CYP4V2: variants seen among roughly 807,000 people sequenced by gnomAD.
CYP4V2 encodes cytochrome P450 family 4 subfamily V member 2, also known as cytochrome P450 4V2.
Under a neutral mutation model 60.8 loss-of-function variants are expected in CYP4V2, and 55 were observed. The ratio of observed to expected loss-of-function variants is 0.90; its 90% CI spans 0.73 to 1.13. CYP4V2 has a LOEUF of 1.13. Ranked by LOEUF, CYP4V2 falls within the 50% of genes most tolerant of loss-of-function variation. The pLI, the probability that CYP4V2 is intolerant of heterozygous loss-of-function variation, is 0.00. For missense variants in CYP4V2, 675 were observed against 662.9 expected (o/e 1.02, Z -0.20); for synonymous variants, 239 against 236.8 (o/e 1.01, Z -0.08).
At chr4:186,207,514 ATTATAT>A (rs1050640875) in intron 8 of CYP4V2, among the ~76,000 whole-genome samples, 6 of 147,806 alleles carry the variant, frequency 4.1e-5, no homozygotes, top group African/African-American at 1.5e-4. Flanking sequence ...TAATTATTAA[ATTATAT>A]TTATATTAAA....
intron 6 of CYP4V2, among the ~76,000 whole-genome samples, chr4:186,199,569 C>A (rs1317109828): frequency 6.6e-6 from 1 of 152,092 alleles, no homozygotes; most frequent in Non-Finnish European, 1.5e-5. Flanking sequence ...AAACAGGGTG[C>A]TGTGTAAAAG....
intron 7 of CYP4V2, chr4:186,204,151 C>CCGAG (rs1176556664): frequency 2.5e-5 from 4 of 157,420 alleles, no homozygotes; most frequent in African/African-American, 9.7e-5. Context: ...AGAAGGTTGC[C>CCGAG]CGAGACATTA....
In CYP4V2 at chr4:186,212,425, G is replaced by A. The variant is rs867986146; in HGVS notation, c.*1784G>A. ...AGGTGATAACTGACACGTGTTCACTGAATTTTAATTTGATAGGCAATACAT... is the reference window on the plus strand; with the variant it reads ...AGGTGATAACTGACACGTGTTCACTAAATTTTAATTTGATAGGCAATACAT... On this transcript the variant is annotated 3_prime_UTR_variant, in exon 11 of 11. Coordinates refer to ENST00000378802, the MANE Select transcript of CYP4V2 (RefSeq NM_207352.4). 35 of 152,118 alleles carry A rather than the reference G, an allele frequency of 2.3e-4. No homozygotes were observed. The highest frequency in any genetic ancestry group is 8.2e-4 in the African/African-American group (34 of 41,412). The allele number at this position is 152,118 out of a possible 1,614,324, so 9.4% of individuals were successfully genotyped here. A position where few individuals can be genotyped will look rare whatever the true frequency, so the allele number is the denominator to read the frequency against.
Position 186,197,537 on chromosome 4 carries a change from A to G in CYP4V2, c.609A>G (p.Thr203=). 6.2e-7 allele frequency: 1 copy of G among 1,614,232 alleles called. No individual in the cohort carries two copies. The highest frequency in any genetic ancestry group is 8.5e-7 in the Non-Finnish European group (1 of 1,180,044). The change falls in exon 5 of 11, where the codon ACA becomes ACG. Residue 203 remains threonine, a synonymous_variant. Transcript: ENST00000378802. The part of the protein sequence containing the change: ...TLCALDIICE[T]AMGKNIGAQS... The stretch of plus-strand genomic sequence containing the variant: ...CTTCTCACCCATATTTTATAGAAAC[A>G]GCTATGGGGAAGAATATTGGTGCTC...
intron 6 of CYP4V2, among the ~76,000 whole-genome samples, chr4:186,199,809 C>A (rs985891050): frequency 1.3e-5 from 2 of 152,130 alleles, no homozygotes; most frequent in Non-Finnish European, 2.9e-5. Context: ...AAAAGCAAGA[C>A]TTAATTGAAA....
Position 186,195,204 on chromosome 4 carries a change from C to T in CYP4V2, c.327+592C>T, listed in dbSNP as rs1344319828. Among the ~76,000 whole-genome samples, 3 of 152,292 alleles carry T rather than the reference C, an allele frequency of 2.0e-5. No individual in the cohort carries two copies. The highest frequency in any genetic ancestry group is 1.9e-4 in the East Asian group (1 of 5,182). On this transcript the variant is annotated intron_variant, in intron 2 of 10. Coordinates refer to ENST00000378802, the MANE Select transcript of CYP4V2 (RefSeq NM_207352.4). The surrounding 1 kb of genome is among the most constrained non-coding windows in gnomAD (Gnocchi z 4.1). ...TGGGGTAAACAGAGCTTCTCTTCATCGACCAAAATTAAAGACTGAATTTCC... is the reference window on the plus strand; with the variant it reads ...TGGGGTAAACAGAGCTTCTCTTCATTGACCAAAATTAAAGACTGAATTTCC...
rs913510827 is a variant in CYP4V2, at chr4:186,201,196, G to A, written c.841G>A (p.Asp281Asn). 3.1e-6 allele frequency: 5 copies of A among 1,614,164 alleles called. No homozygotes were observed. Among genetic ancestry groups the A allele is most frequent in the Admixed American group, 1.7e-5 (1 of 60,020 alleles). ...ERANEMNANEDCRGDGRGSAP... is the reference protein window; with the variant it reads ...ERANEMNANENCRGDGRGSAP... ...GGCCAATGAAATGAACGCCAATGAA[G>A]ACTGTAGAGGTGATGGCAGGGGCTC... Residue 281 changes from aspartate (D) to asparagine (N), a missense_variant, in exon 7 of 11, where the codon GAC becomes AAC. By Grantham distance (23) the Asp-to-Asn change is conservative. Transcript: ENST00000378802.
At chr4:186,201,523 A>G in intron 7 of CYP4V2, 181 bp downstream of exon 7, 1 of 700,486 alleles carries the variant, frequency 1.4e-6, no homozygotes, top group Non-Finnish European at 2.3e-6. Flanking sequence ...ACTTCTTCAG[A>G]AAACGATTTT....
chr4:186,209,441 G>A (rs1025259081), intron 10 of CYP4V2, among the ~76,000 whole-genome samples, 169 bp downstream of exon 10: 7 of 151,920 alleles, frequency 4.6e-5, no homozygotes, highest in South Asian at 2.1e-4. Context: ...AAAATATTAC[G>A]GTCAAAAGGT....
At position 186,199,096 on chromosome 4, in the gene CYP4V2, C is replaced by A; in HGVS notation, c.801+13C>A. Reference sequence around the variant, plus strand: ...TTTTACCAACAGTGTAAGTCCCTGACTTTTACAATTGTGGTAAAATAGACA... The same window carrying A: ...TTTTACCAACAGTGTAAGTCCCTGAATTTTACAATTGTGGTAAAATAGACA... On this transcript the variant is annotated intron_variant, in intron 6 of 10. Transcript: ENST00000378802. The A allele has an allele frequency of 6.2e-7, 1 of 1,611,696 alleles. No individual in the cohort carries two copies. Among genetic ancestry groups the A allele is most frequent in the Non-Finnish European group, 8.5e-7 (1 of 1,177,850 alleles).
intron 1 of CYP4V2, 59 bp from the exon 2 acceptor site, chr4:186,194,441 C>A: frequency 7.1e-7 from 1 of 1,413,390 alleles, no homozygotes; most frequent in Non-Finnish European, 1.0e-6. Context: ...AACCTTTGTC[C>A]AATACTGGTC....
intron 2 of CYP4V2, among the ~76,000 whole-genome samples, chr4:186,194,948 T>C (rs1414618268): frequency 2.0e-5 from 3 of 152,200 alleles, no homozygotes; most frequent in Non-Finnish European, 4.4e-5. Context: ...ACTTCAAAAA[T>C]ATATGACTAA....
chr4:186,202,447 T>G (rs1736331938), intron 7 of CYP4V2: 1 of 152,110 alleles, frequency 6.6e-6, no homozygotes, highest in South Asian at 2.1e-4. Flanking sequence ...CCTCATGGAA[T>G]AGTTATGATG....
rs759932318 is a variant in CYP4V2 at position 186,198,965 on chromosome 4, AGAT to A, written c.687_689del (p.Met229del). ...TTTTATCCCATTTATAGAATGAGTGAGATGATATTTCGAAGAATAAAGATGCCC... is the reference window on the plus strand; with the variant it reads ...TTTTATCCCATTTATAGAATGAGTGAGATATTTCGAAGAATAAAGATGCCC... On this transcript the variant is annotated inframe_deletion, in exon 6 of 11. Transcript: ENST00000378802. 1.2e-6 allele frequency: 2 copies of A among 1,614,108 alleles called. No individual in the cohort carries two copies. Among genetic ancestry groups the A allele is most frequent in the Admixed American group, 3.3e-5 (2 of 60,026 alleles).
rs72646281 is a variant in CYP4V2 at position 186,205,029 on chromosome 4, G to A, written c.988-171G>A. 663 of 698,710 alleles carry A rather than the reference G, an allele frequency of 9.5e-4. 3 individuals carry two copies. In the African/African-American group the frequency reaches 0.01, roughly 11 times the overall value. 43.3% of individuals were successfully genotyped at this position (698,710 alleles called of 1,614,324 possible). A position where few individuals can be genotyped will look rare whatever the true frequency, so the allele number is the denominator to read the frequency against. The stretch of plus-strand genomic sequence containing the variant: ...CTAGGCATGAACCTCCGCTTTGCAG[G>A]CTTGTTTCCTTGTTTGTCACCGAGG... On this transcript the variant is annotated intron_variant, in intron 7 of 10. Transcript: ENST00000378802.
At chr4:186,196,715 A>T (rs1251990803) in intron 3 of CYP4V2, 1 of 540,118 alleles carries the variant, frequency 1.9e-6, no homozygotes, top group Non-Finnish European at 3.2e-6. Context: ...TGTATAGAAC[A>T]ATGTCCAAAA....
chr4:186,192,750 C>T (rs1736028048), intron 1 of CYP4V2, among the ~76,000 whole-genome samples: 1 of 152,178 alleles, frequency 6.6e-6, no homozygotes, highest in Admixed American at 6.5e-5. Context: ...AACTCCCTGT[C>T]AGGGAGGGCG....
chr4:186,197,710 A>G, intron 5 of CYP4V2, 108 bp downstream of exon 5: 1 of 1,185,258 alleles, frequency 8.4e-7, no homozygotes, highest in Non-Finnish European at 1.2e-6. Context: ...AAAATTAAAC[A>G]TTAAACTAGA....
chr4:186,202,667 C>T (rs145430503), intron 7 of CYP4V2: 1 of 65,146 alleles, frequency 1.5e-5, no homozygotes, highest in East Asian at 3.4e-4. Flanking sequence ...TACACATGCA[C>T]AGACACATGT....
Sources: allele counts gnomAD v4.1 joint callset (sites outside exome capture counted in the v4.1 genomes callset), GRCh38; gene constraint gnomAD v4.1.1; non-coding constraint Gnocchi (gnomAD v3.1); transcripts MANE v1.5; gene names NCBI Gene and HGNC (gene_info 2026-07-23, HGNC 2026-07-21).